Variants in KLHL1 observed in about 807,000 individuals in gnomAD.
The protein encoded by KLHL1 is kelch-like protein 1.
Under a neutral mutation model 77.7 loss-of-function variants are expected in KLHL1, and 47 were observed. That is an observed-to-expected ratio of 0.60 (90% CI 0.48 to 0.77). The LOEUF (loss-of-function observed/expected upper bound fraction) is 0.77. Ranked by LOEUF, KLHL1 falls within the 30% of genes least tolerant of loss-of-function variation. KLHL1 has a pLI of 0.00. For synonymous variants in KLHL1, 360 were observed against 325.2 expected (o/e 1.11, Z -1.15); for missense variants, 925 against 910.8 (o/e 1.02, Z -0.20).
chr13:70,018,884 AAGGAC>A lies in KLHL1; in HGVS notation c.498-43087_498-43083del, dbSNP rs1885721664. On this transcript the variant is annotated intron_variant, in intron 1 of 10. Transcript: ENST00000377844. The stretch of plus-strand genomic sequence containing the variant: ...GGAAATGAAACGTTATTGAAGCCAA[AAGGAC>A]AGGAGGAAACAGAAGAGATTAATGT... Among the ~76,000 whole-genome samples, 4 of 152,314 alleles carry A rather than the reference AAGGAC, an allele frequency of 2.6e-5. No homozygotes were observed. In the South Asian group the frequency reaches 8.3e-4, roughly 32 times the overall value.
intron 7 of KLHL1, among the ~76,000 whole-genome samples, chr13:69,788,412 C>T (rs1876676366): frequency 6.6e-6 from 1 of 151,628 alleles, no homozygotes; most frequent in South Asian, 2.1e-4. Flanking sequence ...ATCACAAGGA[C>T]AAAAAACCAA....
At chr13:69,843,926 C>T (rs1222235365) in intron 5 of KLHL1, among the ~76,000 whole-genome samples, 1 of 151,498 alleles carries the variant, frequency 6.6e-6, no homozygotes, top group Non-Finnish European at 1.5e-5. Flanking sequence ...TTTACATTTA[C>T]TTGGACAACT....
At chr13:69,854,990 C>T (rs1198489908) in intron 5 of KLHL1, among the ~76,000 whole-genome samples, 1 of 151,730 alleles carries the variant, frequency 6.6e-6, no homozygotes, top group African/African-American at 2.4e-5. Flanking sequence ...AATGAAAACA[C>T]TTATTTGTAC....
At chr13:69,960,433 A>C (rs1029535384) in intron 3 of KLHL1, among the ~76,000 whole-genome samples, 1 of 151,964 alleles carries the variant, frequency 6.6e-6, no homozygotes, top group East Asian at 1.9e-4. Flanking sequence ...CATAAAACAA[A>C]CCATCAATAT....
At chr13:69,936,044 G>A (rs1396841993) in intron 4 of KLHL1, among the ~76,000 whole-genome samples, 1 of 152,118 alleles carries the variant, frequency 6.6e-6, no homozygotes, top group Admixed American at 6.6e-5. Flanking sequence ...GGAATACTAG[G>A]ATTTCATTTG....
chr13:69,910,657 C>T (rs1249369389), intron 4 of KLHL1, among the ~76,000 whole-genome samples: 1 of 151,868 alleles, frequency 6.6e-6, no homozygotes, highest in African/African-American at 2.4e-5. Context: ...CTTTATCAGA[C>T]AAAAAATTCA....
rs1303351700 is a variant in KLHL1 at position 69,848,192 on chromosome 13, CTTTA to C, written c.1228-9034_1228-9031del. Among the ~76,000 whole-genome samples the C allele has an allele frequency of 2.0e-5, 3 of 151,506 alleles. No individual in the cohort carries two copies. The Admixed American group carries it at 2.0e-4, about 10-fold the overall frequency. On this transcript the variant is annotated intron_variant, in intron 5 of 10. Coordinates refer to ENST00000377844, the MANE Select transcript of KLHL1 (RefSeq NM_020866.3). ...GTTTGACCCTTCCCCACCTTTCAGA[CTTTA>C]TTTATGTTCAAAGACATACAGAGAG...
intron 5 of KLHL1, among the ~76,000 whole-genome samples, chr13:69,871,947 G>A (rs369649080): frequency 2.0e-5 from 3 of 151,812 alleles, no homozygotes; most frequent in African/African-American, 7.3e-5. Context: ...ATCTTTGCCC[G>A]TTACCCAGTG....
chr13:69,882,365 C>T lies in KLHL1; in HGVS notation c.1145G>A (p.Trp382Ter), dbSNP rs756389536. ...TCTACTCTGCATGTCATACTTGACC[C>T]ACATCATCAATGCATGGAAGATGGT... ...EETIFHALMM[W>*]VKYDMQSRCN... Residue 382 changes from tryptophan to a stop codon, truncating the protein, a stop_gained, in exon 5 of 11, where the codon TGG becomes TAG. Transcript: ENST00000377844. LOFTEE classifies it high-confidence loss of function. 6.2e-7 allele frequency: 1 copy of T among 1,613,748 alleles called. No homozygotes were observed. Among genetic ancestry groups the T allele is most frequent in the Non-Finnish European group, 8.5e-7 (1 of 1,179,744 alleles).
At chr13:69,777,341 T>TAAGTA (rs1401159629) in intron 7 of KLHL1, among the ~76,000 whole-genome samples, 6 of 152,272 alleles carry the variant, frequency 3.9e-5, no homozygotes, top group African/African-American at 1.4e-4. Flanking sequence ...GGGCTAACTT[T>TAAGTA]AAGTATATAG....
chr13:70,050,413 T>C (rs527512758), intron 1 of KLHL1, among the ~76,000 whole-genome samples: 2 of 151,830 alleles, frequency 1.3e-5, no homozygotes, highest in East Asian at 3.9e-4. Flanking sequence ...ATTTCTGATA[T>C]GTTCAGTTAA....
intron 7 of KLHL1, among the ~76,000 whole-genome samples, chr13:69,774,753 T>A (rs907973795): frequency 3.3e-5 from 5 of 152,154 alleles, no homozygotes; most frequent in African/African-American, 1.2e-4. Flanking sequence ...TTTTCTTGTA[T>A]ATTAACTTTG....
At chr13:70,051,316 C>A (rs1471878074) in intron 1 of KLHL1, among the ~76,000 whole-genome samples, 1 of 151,934 alleles carries the variant, frequency 6.6e-6, no homozygotes, top group African/African-American at 2.4e-5. Flanking sequence ...TCTGTGTATT[C>A]TTTGCACATG....
chr13:69,740,698 T>G, intron 7 of KLHL1, 142 bp from the exon 8 acceptor site: 1 of 525,254 alleles, frequency 1.9e-6, no homozygotes, highest in South Asian at 5.4e-5. Context: ...TAGATTTATT[T>G]CACAGTGAGA....
intron 7 of KLHL1, among the ~76,000 whole-genome samples, chr13:69,785,135 G>A (rs1232298066): frequency 1.6e-4 from 24 of 151,558 alleles, no homozygotes; most frequent in East Asian, 9.8e-4. Context: ...CTCGTGATCC[G>A]CCCGCCTTGG....
intron 4 of KLHL1, among the ~76,000 whole-genome samples, chr13:69,910,991 T>C (rs912823874): frequency 2.0e-5 from 3 of 152,090 alleles, no homozygotes; most frequent in Non-Finnish European, 4.4e-5. Context: ...TGCAGTACTA[T>C]CAGCAATGCA....
chr13:70,059,767 T>C (rs1402566328), intron 1 of KLHL1, among the ~76,000 whole-genome samples: 1 of 152,100 alleles, frequency 6.6e-6, no homozygotes, highest in East Asian at 1.9e-4. Context: ...AAACTTAAAA[T>C]CATGGCAGAA....
At chr13:69,774,373 TTA>T (rs1875722563) in intron 7 of KLHL1, among the ~76,000 whole-genome samples, 1 of 149,126 alleles carries the variant, frequency 6.7e-6, no homozygotes, top group East Asian at 1.9e-4. Flanking sequence ...CTTTAATATA[TTA>T]TATTTTTGTA....
chr13:69,941,952 A>G (rs1883377883), intron 3 of KLHL1, among the ~76,000 whole-genome samples: 2 of 151,938 alleles, frequency 1.3e-5, no homozygotes, highest in South Asian at 4.1e-4. Flanking sequence ...ACTTAGATTG[A>G]AACAGTAATT....
Sources: allele counts gnomAD v4.1 joint callset (sites outside exome capture counted in the v4.1 genomes callset), GRCh38; gene constraint gnomAD v4.1.1; transcripts MANE v1.5; gene names NCBI Gene and HGNC (gene_info 2026-07-23, HGNC 2026-07-21).